Variants in SIGIRR observed in about 807,000 individuals in gnomAD.
SIGIRR encodes single Ig IL-1-related receptor.
Under a neutral mutation model 45.6 loss-of-function variants are expected in SIGIRR, and 41 were observed. That is an observed-to-expected ratio of 0.90 (90% CI 0.70 to 1.17). The LOEUF (loss-of-function observed/expected upper bound fraction) is 1.17. SIGIRR is among the 50% of genes most tolerant of loss of function. The probability of loss-of-function intolerance (pLI) is 0.00; values close to 1 mark genes in which losing one functional copy is unlikely to be tolerated. For synonymous variants in SIGIRR, 298 were observed against 239.0 expected, an observed-to-expected ratio of 1.25 and a Z score of -2.28; for missense variants, 599 against 539.6, an observed-to-expected ratio of 1.11 and a Z score of -1.09.
At position 405,768 on chromosome 11, in the gene SIGIRR, A is replaced by T; in HGVS notation, c.*128T>A. On this transcript the variant is annotated 3_prime_UTR_variant, in exon 10 of 10. Coordinates refer to ENST00000431843, the MANE Select transcript of SIGIRR (RefSeq NM_001135054.2). Reference sequence around the variant, plus strand: ...GCACTGGGAGGCGCCCTGAGGCCACAGCCTTTTCCCAGGGCTGCTGGCAGG... The same window carrying T: ...GCACTGGGAGGCGCCCTGAGGCCACTGCCTTTTCCCAGGGCTGCTGGCAGG... 8.3e-7 allele frequency: 1 copy of T among 1,203,356 alleles called. No individual in the cohort carries two copies. Among genetic ancestry groups the T allele is most frequent in the Non-Finnish European group, 1.1e-6 (1 of 877,740 alleles). 74.5% of individuals were successfully genotyped at this position (1,203,356 alleles called of 1,614,324 possible).
upstream of SIGIRR, among the ~76,000 whole-genome samples, chr11:417,067 C>T (rs1327375564): frequency 6.6e-6 from 1 of 152,226 alleles, no homozygotes; most frequent in African/African-American, 2.4e-5. This position sits in a 1 kb window ranked among gnomAD's most constrained non-coding sequence, Gnocchi z 4.2. Context: ...AAGCCGCTGA[C>T]CACGTCGGGC....
chr11:415,624 AT>A (rs1847861389), upstream of SIGIRR, among the ~76,000 whole-genome samples: 1 of 152,142 alleles, frequency 6.6e-6, no homozygotes, highest in Non-Finnish European at 1.5e-5. This position sits in a 1 kb window ranked among gnomAD's most constrained non-coding sequence, Gnocchi z 6.6. Context: ...AGCTCCCCCG[AT>A]GGGTGAGCAG....
Position 409,934 on chromosome 11 carries a change from C to T in SIGIRR, c.-60G>A, listed in dbSNP as rs1164315772. On this transcript the variant is annotated 5_prime_UTR_variant, in exon 2 of 10. Transcript: ENST00000431843. ...GCTCCAGGGTCACCCCTGGCTCCAC[C>T]GGGCTCCTCGGCCAGCAGACTGATC... 2.0e-5 allele frequency: 25 copies of T among 1,265,752 alleles called. No homozygotes were observed. The highest frequency in any genetic ancestry group is 3.4e-5 in the South Asian group (1 of 29,722). The allele number at this position is 1,265,752 out of a possible 1,614,324, so 78.4% of individuals were successfully genotyped here.
At chr11:409,587 C>G (rs569340519) in intron 2 of SIGIRR, 1 of 417,440 alleles carries the variant, frequency 2.4e-6, no homozygotes, top group Non-Finnish European at 4.2e-6. Context: ...CGGCCACACC[C>G]TGCTGTGGGC....
Position 406,487 on chromosome 11 carries a change from C to G in SIGIRR, c.931G>C (p.Val311Leu). ...TCTCCTTCCACAGGCCTGTACTGCA[C>G]CTTCCGCGGCAGCGCCAGCTGCACT... ...KEVQLALPRK[V>L]QYRPVEGDPQ... is the part of the protein sequence containing the mutation. Residue 311 changes from valine (V) to leucine (L), a missense_variant, in exon 9 of 10, where the codon GTG becomes CTG. Val to Leu is a conservative substitution (Grantham distance 32, BLOSUM62 1). Transcript: ENST00000431843. 6.2e-7 allele frequency: 1 copy of G among 1,611,876 alleles called. No homozygotes were observed. Among genetic ancestry groups the G allele is most frequent in the Non-Finnish European group, 8.5e-7 (1 of 1,179,252 alleles).
Position 407,119 on chromosome 11 carries a change from A to ATCTACACCT in SIGIRR, c.670_671insAGGTGTAGA (p.Leu224delinsGlnValTer). On this transcript the variant is annotated stop_gained and protein_altering_variant, in exon 7 of 10. Coordinates refer to ENST00000431843, the MANE Select transcript of SIGIRR (RefSeq NM_001135054.2). LOFTEE classifies it high-confidence loss of function. The stretch of plus-strand genomic sequence containing the variant: ...GAAGGCGTCCGAAAGCACCACGATG[A>ATCTACACCT]GGCGTCGGCAGCGGCTCAGGTTCAC... The ATCTACACCT allele has an allele frequency of 2.0e-6, 3 of 1,520,578 alleles. No individual in the cohort carries two copies. In the Admixed American group the frequency reaches 5.9e-5, roughly 30 times the overall value. 94.2% of individuals were successfully genotyped at this position (1,520,578 alleles called of 1,614,324 possible).
In SIGIRR at chr11:407,113, ACG is replaced by A; in HGVS notation, c.675_676del (p.Val226GlyfsTer114). The stretch of plus-strand genomic sequence containing the variant: ...GCTCAGGAAGGCGTCCGAAAGCACC[ACG>A]ATGAGGCGTCGGCAGCGGCTCAGGT... On this transcript the variant is annotated frameshift_variant, in exon 7 of 10. Transcript: ENST00000431843. LOFTEE classifies it high-confidence loss of function. The A allele has an allele frequency of 2.0e-6, 3 of 1,524,620 alleles. No individual in the cohort carries two copies. Among genetic ancestry groups the A allele is most frequent in the South Asian group, 1.3e-5 (1 of 79,358 alleles). 94.4% of individuals were successfully genotyped at this position (1,524,620 alleles called of 1,614,324 possible). A position where few individuals can be genotyped will look rare whatever the true frequency, so the allele number is the denominator to read the frequency against.
intron 1 of SIGIRR, among the ~76,000 whole-genome samples, chr11:414,009 TCCCTGCACCCTCTC>T (rs1590393314): frequency 5.9e-4 from 33 of 55,530 alleles, no homozygotes; most frequent in East Asian, 1.3e-3. Context: ...TCCCCACCTT[TCCCTGCACCCTCTC>T]CCCTGCACAC....
chr11:407,114 C>CA lies in SIGIRR; in HGVS notation c.675_676insT (p.Val226CysfsTer115). The CA allele has an allele frequency of 1.3e-6, 2 of 1,543,312 alleles. No homozygotes were observed. The highest frequency in any genetic ancestry group is 8.7e-7 in the Non-Finnish European group (1 of 1,150,824). ...CTCAGGAAGGCGTCCGAAAGCACCA[C>CA]GATGAGGCGTCGGCAGCGGCTCAGG... On this transcript the variant is annotated frameshift_variant, in exon 7 of 10. Coordinates refer to ENST00000431843, the MANE Select transcript of SIGIRR (RefSeq NM_001135054.2). LOFTEE classifies it high-confidence loss of function.
In SIGIRR at chr11:406,832, C is replaced by T. The variant is rs114678581; in HGVS notation, c.879+11G>A. On this transcript the variant is annotated intron_variant, in intron 8 of 9. Coordinates refer to ENST00000431843, the MANE Select transcript of SIGIRR (RefSeq NM_001135054.2). ...CCGCTAGCCCCGGACCCTCCCGCGCCTGCTCCGCACCACGGAGCCGGGCCT... is the reference window on the plus strand; with the variant it reads ...CCGCTAGCCCCGGACCCTCCCGCGCTTGCTCCGCACCACGGAGCCGGGCCT... 1,971 of 1,535,054 alleles carry T rather than the reference C, an allele frequency of 1.3e-3. 21 individuals are homozygous for T. The African/African-American group carries it at 0.024, about 19-fold the overall frequency.
At chr11:413,361 A>C (rs182855961) in intron 1 of SIGIRR, among the ~76,000 whole-genome samples, 228 of 152,010 alleles carry the variant, frequency 1.5e-3, no homozygotes, top group Non-Finnish European at 2.6e-3. Context: ...GGTGGAGGAC[A>C]CTCCAAGGAA....
intron 1 of SIGIRR, among the ~76,000 whole-genome samples, chr11:413,673 C>G (rs1397425788): frequency 1.3e-5 from 2 of 149,140 alleles, no homozygotes; most frequent in Admixed American, 6.7e-5. Context: ...TCCTTGCACC[C>G]TCTCCCCTGC....
chr11:405,731 C>T lies in SIGIRR; in HGVS notation c.*165G>A. On this transcript the variant is annotated 3_prime_UTR_variant, in exon 10 of 10. Coordinates refer to ENST00000431843, the MANE Select transcript of SIGIRR (RefSeq NM_001135054.2). ...GAGGCCCCAGCAGAATCCAAAAGGA[C>T]TTTATTTTCTGGCACTGGGAGGCGC... 1 of 785,346 alleles carries T rather than the reference C, an allele frequency of 1.3e-6. No individual in the cohort carries two copies. Among genetic ancestry groups the T allele is most frequent in the Non-Finnish European group, 1.9e-6 (1 of 516,272 alleles). The allele number at this position is 785,346 out of a possible 1,614,324, so 48.6% of individuals were successfully genotyped here. A position where few individuals can be genotyped will look rare whatever the true frequency, so the allele number is the denominator to read the frequency against.
chr11:406,131 C>T (rs1000798129), intron 9 of SIGIRR, 72 bp from the exon 10 acceptor site: 1 of 1,539,326 alleles, frequency 6.5e-7, no homozygotes, highest in African/African-American at 1.4e-5. Flanking sequence ...CCAGGGGCTG[C>T]CCCTGCTCAC....
At chr11:407,365 A>G in intron 6 of SIGIRR, 60 bp downstream of exon 6, 1 of 1,155,452 alleles carries the variant, frequency 8.7e-7, no homozygotes, top group Non-Finnish European at 1.1e-6. Context: ...GGGACGGAGC[A>G]TGGGGCGGGG....
rs927089671 is a variant in SIGIRR at position 409,909 on chromosome 11, G to A, written c.-35C>T. 7.7e-7 allele frequency: 1 copy of A among 1,302,222 alleles called. No homozygotes were observed. Among genetic ancestry groups the A allele is most frequent in the Non-Finnish European group, 9.8e-7 (1 of 1,018,416 alleles). 80.7% of individuals were successfully genotyped at this position (1,302,222 alleles called of 1,614,324 possible). On this transcript the variant is annotated 5_prime_UTR_variant, in exon 2 of 10. Transcript: ENST00000431843. ...CCGGGGCCTCCTCGGGGCAGGCTGGGCTCCAGGGTCACCCCTGGCTCCACC... is the reference window on the plus strand; with the variant it reads ...CCGGGGCCTCCTCGGGGCAGGCTGGACTCCAGGGTCACCCCTGGCTCCACC...
At chr11:417,161 G>T (rs1322217770), upstream of SIGIRR, 1 of 152,270 alleles carries the variant, frequency 6.6e-6, no homozygotes, top group South Asian at 2.1e-4. The surrounding 1 kb of genome is among the most constrained non-coding windows in gnomAD (Gnocchi z 4.2). Context: ...GGGCGAGCTC[G>T]GGCTTCCGGG....
chr11:409,746 AC>A lies in SIGIRR; in HGVS notation c.7+121del, dbSNP rs1847503485. 6 of 1,139,552 alleles carry A rather than the reference AC, an allele frequency of 5.3e-6. No homozygotes were observed. The South Asian group carries it at 9.8e-5, about 19-fold the overall frequency. The allele number at this position is 1,139,552 out of a possible 1,614,324, so 70.6% of individuals were successfully genotyped here. ...GGGAGGGGTGAGCAGGGGCCTTTGT[AC>A]CCCCGGCATGTGGCCAGGCAGAGTG... On this transcript the variant is annotated intron_variant, in intron 2 of 9. Coordinates refer to ENST00000431843, the MANE Select transcript of SIGIRR (RefSeq NM_001135054.2).
At position 414,807 on chromosome 11, in the gene SIGIRR, C is replaced by A; in HGVS notation, c.-154+16G>T. 4.1e-6 allele frequency: 4 copies of A among 985,512 alleles called. No individual in the cohort carries two copies. The highest frequency in any genetic ancestry group is 4.8e-6 in the Non-Finnish European group (4 of 830,000). 61.0% of individuals were successfully genotyped at this position (985,512 alleles called of 1,614,324 possible). A position where few individuals can be genotyped will look rare whatever the true frequency, so the allele number is the denominator to read the frequency against. ...CCTGACACAGGCTCACTCAGAGCAG[C>A]GGGGAAGGCAGTCACCTGGTTCCAG... is the stretch of plus-strand genomic sequence containing the variant. On this transcript the variant is annotated intron_variant, in intron 1 of 9. Transcript: ENST00000431843.
Sources: gnomAD v4.1 joint callset for allele counts (sites outside exome capture counted in the v4.1 genomes callset) on GRCh38, gnomAD v4.1.1 for gene constraint, Gnocchi (gnomAD v3.1) non-coding constraint, MANE v1.5 for transcripts, NCBI Gene and HGNC (gene_info 2026-07-23, HGNC 2026-07-21) for gene names.